Variants in RAPGEF3 observed in about 807,000 individuals in gnomAD.
RAPGEF3 encodes the protein 9330170P05Rik.
A neutral mutation model predicts 129.8 loss-of-function variants in RAPGEF3; 103 were observed. The observed-to-expected ratio is 0.79, with a 90% CI of 0.68 to 0.93. The LOEUF is 0.93. Among genes scored for constraint, RAPGEF3 ranks in the 40% least tolerant of loss-of-function variants. The pLI is 0.00. For missense variants in RAPGEF3, 1,117 were observed against 1,207.4 expected (o/e 0.93, Z 1.11); for synonymous variants, 436 against 482.6 (o/e 0.90, Z 1.26).
intron 20 of RAPGEF3, 35 bp downstream of exon 20, chr12:47,740,880 C>T (rs375621327): frequency 1.3e-5 from 21 of 1,613,586 alleles, no homozygotes; most frequent in Middle Eastern, 1.6e-4. Flanking sequence ...GGCGCCCCGC[C>T]GCCTGCTCTC....
At position 47,743,630 on chromosome 12, in the gene RAPGEF3, C is replaced by A. The variant is rs1941275676; in HGVS notation, c.1725G>T (p.Gln575His). 3 of 1,613,830 alleles carry A rather than the reference C, an allele frequency of 1.9e-6. No individual in the cohort carries two copies. Among genetic ancestry groups the A allele is most frequent in the South Asian group, 2.2e-5 (2 of 91,076 alleles). ...CRPDHSVLTL[Q>H]LPVTASVREV... ...CTCTCACGGAGGCTGTCACAGGCAG[C>A]TGCAGGGTCAACACTGAGTGGTCTG... The change falls in exon 18 of 28, where the codon CAG (glutamine) becomes CAT (histidine). Residue 575 changes from glutamine to histidine, a missense_variant. By Grantham distance (24) the Gln-to-His change is conservative. Transcript: ENST00000449771.
Position 47,749,886 on chromosome 12 carries a change from T to C in RAPGEF3, c.817+44A>G. 2 of 1,613,806 alleles carry C rather than the reference T, an allele frequency of 1.2e-6. No individual in the cohort carries two copies. The highest frequency in any genetic ancestry group is 1.3e-5 in the African/African-American group (1 of 75,064). ...ATTCCTTCACACATCCTTCTGCCCATGTCCAGGCCCTGTGCCTGGCTTCTT... is the reference window on the plus strand; with the variant it reads ...ATTCCTTCACACATCCTTCTGCCCACGTCCAGGCCCTGTGCCTGGCTTCTT... On this transcript the variant is annotated intron_variant, in intron 8 of 27. Transcript: ENST00000449771. This position sits in a 1 kb window ranked among gnomAD's most constrained non-coding sequence, Gnocchi z 4.5.
At chr12:47,748,352 T>C (rs984083253) in intron 12 of RAPGEF3, 102 bp downstream of exon 12, 189 of 1,170,306 alleles carry the variant, frequency 1.6e-4, no homozygotes, top group East Asian at 7.2e-5. Flanking sequence ...TACAGACCAA[T>C]CCAGCATTCG....
At chr12:47,758,259 C>A in intron 1 of RAPGEF3, 181 bp from the exon 2 acceptor site, 1 of 1,433,594 alleles carries the variant, frequency 7.0e-7, no homozygotes. Flanking sequence ...GCCTGCCGGT[C>A]TGGCGCACTT....
At chr12:47,741,143 G>A (rs1322299393) in intron 19 of RAPGEF3, 103 bp from the exon 20 acceptor site, 2 of 1,365,602 alleles carry the variant, frequency 1.5e-6, no homozygotes, top group African/African-American at 1.4e-5. Flanking sequence ...GTGTTAGGAG[G>A]AGGGTTAGGA....
At chr12:47,747,002 T>G in intron 15 of RAPGEF3, 103 bp from the exon 16 acceptor site, 1 of 1,158,148 alleles carries the variant, frequency 8.6e-7, no homozygotes, top group Non-Finnish European at 1.2e-6. Flanking sequence ...CACCAGTGGT[T>G]CAGAGGTAAG....
At chr12:47,753,773 C>G (rs918520650) in intron 2 of RAPGEF3, 3 of 152,266 alleles carry the variant, frequency 2.0e-5, no homozygotes, top group Non-Finnish European at 4.4e-5. Context: ...CCCCAACTCC[C>G]ATTGGAGCCC....
Position 47,737,309 on chromosome 12 carries a change from C to A in RAPGEF3, c.*258G>T. On this transcript the variant is annotated 3_prime_UTR_variant, in exon 28 of 28. Transcript: ENST00000449771. ...ACGTCCCAGCGCACTCCACTCTCCA[C>A]CCACTCCTGGGGCCTCTCTGTCCTC... 2.0e-6 allele frequency: 1 copy of A among 512,122 alleles called. No individual in the cohort carries two copies. Among genetic ancestry groups the A allele is most frequent in the Non-Finnish European group, 3.5e-6 (1 of 283,028 alleles). 31.7% of individuals were successfully genotyped at this position (512,122 alleles called of 1,614,324 possible). A position where few individuals can be genotyped will look rare whatever the true frequency, so the allele number is the denominator to read the frequency against.
At position 47,749,560 on chromosome 12, in the gene RAPGEF3, C is replaced by CCCGCCACTG; in HGVS notation, c.895-25_895-24insCAGTGGCGG. 6.3e-7 allele frequency: 1 copy of CCCGCCACTG among 1,584,774 alleles called. No individual in the cohort carries two copies. The highest frequency in any genetic ancestry group is 8.6e-7 in the Non-Finnish European group (1 of 1,169,408). On this transcript the variant is annotated intron_variant, in intron 9 of 27. Transcript: ENST00000449771. This position sits in a 1 kb window ranked among gnomAD's most constrained non-coding sequence, Gnocchi z 4.5. ...CCCTGCAGCCAGGCCTCAGTCTCAG[C>CCCGCCACTG]CCGCCCCTGCCGCCCCTGCCGCCCC...
Position 47,750,373 on chromosome 12 carries a change from G to A in RAPGEF3, c.724C>T (p.His242Tyr), listed in dbSNP as rs1941673354. 1.2e-6 allele frequency: 2 copies of A among 1,614,030 alleles called. No homozygotes were observed. Among genetic ancestry groups the A allele is most frequent in the Non-Finnish European group, 1.7e-6 (2 of 1,179,936 alleles). The change falls in exon 7 of 28, where the codon CAC becomes TAC. Residue 242 changes from histidine to tyrosine, a missense_variant. Coordinates refer to ENST00000449771, the MANE Select transcript of RAPGEF3 (RefSeq NM_001098531.4). ...ELDLIFEELL[H>Y]IKAVAHLSNS... ...GAGAGGTGGGCCACAGCCTTGATGT[G>A]CAGCAGCTCCTCAAAGATGAGGTCC...
rs1565758337 is a variant in RAPGEF3 at position 47,747,580 on chromosome 12, A to T, written c.1520T>A (p.Leu507Gln). ...CCGCCTCTCTGGCCACTGCTCCCTC[A>T]GCAGGTTGCTGAGTCGGGTGTCCCT... is the stretch of plus-strand genomic sequence containing the variant. ...VGRDTRLSNL[L>Q]REQWPERRRC... Residue 507 changes from leucine (L) to glutamine (Q), a missense_variant, in exon 15 of 28, where the codon CTG (leucine) becomes CAG (glutamine). Physicochemically the swap from Leu to Gln is moderately radical, Grantham distance 113 (BLOSUM62 -2). Around this residue, in one of 3 missense-constraint regions of RAPGEF3, gnomAD observed 643 missense variants for 673.4 expected, o/e 0.95. Coordinates refer to ENST00000449771, the MANE Select transcript of RAPGEF3 (RefSeq NM_001098531.4). 4.3e-6 allele frequency: 7 copies of T among 1,614,100 alleles called. No homozygotes were observed. The highest frequency in any genetic ancestry group is 5.9e-6 in the Non-Finnish European group (7 of 1,179,956).
At chr12:47,751,551 G>A (rs1257578506) in intron 4 of RAPGEF3, 31 bp from the exon 5 acceptor site, 2 of 1,613,418 alleles carry the variant, frequency 1.2e-6, no homozygotes. Context: ...CAGGCCAGTG[G>A]AAGGAGGGTG....
At chr12:47,741,459 A>C in intron 19 of RAPGEF3, 46 bp downstream of exon 19, 1 of 1,557,690 alleles carries the variant, frequency 6.4e-7, no homozygotes, top group Non-Finnish European at 8.9e-7. Flanking sequence ...TGCCACACTC[A>C]AAATAGATCT....
At chr12:47,740,852 G>T in intron 20 of RAPGEF3, 29 bp from the exon 21 acceptor site, 2 of 1,613,484 alleles carry the variant, frequency 1.2e-6, no homozygotes, top group Non-Finnish European at 1.7e-6. Context: ...AGAGGTCAGC[G>T]AGTGCTGAGC....
chr12:47,747,111 G>C (rs184136969), intron 15 of RAPGEF3, among the ~76,000 whole-genome samples: 107 of 152,298 alleles, frequency 7.0e-4, no homozygotes, highest in Non-Finnish European at 1.2e-3. Flanking sequence ...GAAGGAAAAA[G>C]TTAAAGGCAG....
At position 47,747,716 on chromosome 12, in the gene RAPGEF3, A is replaced by T. The variant is rs1941500362; in HGVS notation, c.1469T>A (p.Leu490His). 2 of 1,610,788 alleles carry T rather than the reference A, an allele frequency of 1.2e-6. No individual in the cohort carries two copies. The highest frequency in any genetic ancestry group is 1.7e-6 in the Non-Finnish European group (2 of 1,179,146). Residue 490 changes from leucine (L) to histidine (H), a missense_variant, in exon 14 of 28, where the codon CTC becomes CAC. Leu to His is a moderately conservative substitution (Grantham distance 99). Around this residue, in one of 3 missense-constraint regions of RAPGEF3, gnomAD observed 643 missense variants for 673.4 expected, o/e 0.95. Transcript: ENST00000449771. ...LHTDPVATSF[L>H]QKLSDLVGRD... Reference sequence around the variant, plus strand: ...CTGTGCCTCACTCCCAGGTACCTGGAGGAAGCTGGTGGCCACAGGGTCAGT... The same window carrying T: ...CTGTGCCTCACTCCCAGGTACCTGGTGGAAGCTGGTGGCCACAGGGTCAGT...
intron 18 of RAPGEF3, among the ~76,000 whole-genome samples, chr12:47,742,562 G>A (rs1269546961): frequency 6.6e-6 from 1 of 152,178 alleles, no homozygotes; most frequent in East Asian, 1.9e-4. Flanking sequence ...CCTCCGCAGA[G>A]AACAGTGGTT....
In RAPGEF3 at chr12:47,750,431, G is replaced by C. The variant is rs371006383; in HGVS notation, c.672-6C>G. 427 of 1,611,608 alleles carry C rather than the reference G, an allele frequency of 2.6e-4. 1 individual carries two copies. Among genetic ancestry groups the C allele is most frequent in the Non-Finnish European group, 3.3e-4 (394 of 1,178,630 alleles). Reference sequence around the variant, plus strand: ...CATCCGTGCGCTGACCTGGGCTGCAGGGACAGGAGGAATGGGAGCACACTG... The same window carrying C: ...CATCCGTGCGCTGACCTGGGCTGCACGGACAGGAGGAATGGGAGCACACTG... On this transcript the variant is annotated splice_region_variant and splice_polypyrimidine_tract_variant and intron_variant, in intron 6 of 27. Transcript: ENST00000449771.
At chr12:47,751,854 G>T (rs577558908) in intron 3 of RAPGEF3, 25 bp from the exon 4 acceptor site, 5 of 1,614,160 alleles carry the variant, frequency 3.1e-6, no homozygotes, top group African/African-American at 2.7e-5. Context: ...GGGCACAGCA[G>T]TTCAGGCTCT....
Sources: gnomAD v4.1 joint callset for allele counts (sites outside exome capture counted in the v4.1 genomes callset) on GRCh38, gnomAD v4.1.1 for gene constraint, gnomAD v4.1.1 regional missense constraint, Gnocchi (gnomAD v3.1) non-coding constraint, MANE v1.5 for transcripts, NCBI Gene and HGNC (gene_info 2026-07-23, HGNC 2026-07-21) for gene names.